Variants in LRRC38 observed in about 807,000 individuals in gnomAD.
The protein encoded by LRRC38 is leucine rich repeat containing 38.
Under a neutral mutation model 16.4 loss-of-function variants are expected in LRRC38, and 5 were observed. That is an observed-to-expected ratio of 0.31 (90% CI 0.16 to 0.64). LRRC38 has a LOEUF of 0.64. Ranked by LOEUF, LRRC38 falls within the 30% of genes least tolerant of loss-of-function variation. LRRC38 has a pLI of 0.80. For missense variants in LRRC38, 341 were observed against 401.8 expected (o/e 0.85, Z 1.29); for synonymous variants, 191 against 190.2 (o/e 1.00, Z -0.04).
intron 1 of LRRC38, among the ~76,000 whole-genome samples, chr1:13,482,196 G>T (rs1638877890): frequency 1.3e-5 from 2 of 152,142 alleles, no homozygotes. Context: ...GAGAGAGACA[G>T]AGAGAGGTGG....
chr1:13,497,461 GA>G (rs993804027), intron 1 of LRRC38, among the ~76,000 whole-genome samples: 1 of 152,006 alleles, frequency 6.6e-6, no homozygotes, highest in Non-Finnish European at 1.5e-5. Flanking sequence ...TTTCTGATGT[GA>G]GATTTGAGGG....
At chr1:13,508,653 A>G (rs1639239859) in intron 1 of LRRC38, among the ~76,000 whole-genome samples, 1 of 152,252 alleles carries the variant, frequency 6.6e-6, no homozygotes, top group African/African-American at 2.4e-5. Context: ...TCCCCAGTCT[A>G]ATAACAGGAG....
At chr1:13,482,926 T>C (rs1404956401) in intron 1 of LRRC38, among the ~76,000 whole-genome samples, 1 of 152,152 alleles carries the variant, frequency 6.6e-6, no homozygotes, top group Non-Finnish European at 1.5e-5. Context: ...CCCCATCTTA[T>C]AGCTGACCAA....
intron 1 of LRRC38, among the ~76,000 whole-genome samples, chr1:13,505,936 C>CGTCTGGGCTGTGGGAGGGAGCT (rs1639207005): frequency 6.7e-6 from 1 of 149,120 alleles, no homozygotes; most frequent in African/African-American, 2.5e-5. Flanking sequence ...AAGGAGGGGC[C>CGTCTGGGCTGTGGGAGGGAGCT]CGTCTGGGCT....
At chr1:13,510,179 A>C (rs1380223106) in intron 1 of LRRC38, among the ~76,000 whole-genome samples, 2 of 151,956 alleles carry the variant, frequency 1.3e-5, no homozygotes, top group Non-Finnish European at 2.9e-5. Flanking sequence ...TCCTTCCTTC[A>C]ATTTCCTCCC....
At chr1:13,488,032 TTGTGTGTGTG>T (rs71570140) in intron 1 of LRRC38, among the ~76,000 whole-genome samples, 17 of 147,206 alleles carry the variant, frequency 1.2e-4, no homozygotes, top group Non-Finnish European at 2.2e-4. Context: ...TTGTGTGTGT[TTGTGTGTGTG>T]TGTGTGTGTG....
At chr1:13,480,356 AAACT>A (rs982850588) in intron 1 of LRRC38, among the ~76,000 whole-genome samples, 20 of 152,256 alleles carry the variant, frequency 1.3e-4, no homozygotes, top group South Asian at 6.2e-4. Context: ...AAAAATAAAC[AAACT>A]GTCTCCAGAC....
chr1:13,482,348 G>A (rs866406078), intron 1 of LRRC38, among the ~76,000 whole-genome samples: 9 of 151,890 alleles, frequency 5.9e-5, no homozygotes, highest in Non-Finnish European at 4.4e-5. Flanking sequence ...AGGCTGAGGC[G>A]GGTGGATCGC....
intron 1 of LRRC38, among the ~76,000 whole-genome samples, chr1:13,477,873 CA>C (rs1638807467): frequency 6.6e-6 from 1 of 152,038 alleles, no homozygotes; most frequent in Admixed American, 6.6e-5. Flanking sequence ...ACAATGTAGC[CA>C]GGGGTAGCTG....
chr1:13,499,507 T>A (rs755319447), intron 1 of LRRC38, among the ~76,000 whole-genome samples: 6 of 152,216 alleles, frequency 3.9e-5, no homozygotes, highest in Non-Finnish European at 8.8e-5. Flanking sequence ...ATAGCATCCT[T>A]TTCCATTGCT....
chr1:13,496,272 G>C (rs1639078626), intron 1 of LRRC38, among the ~76,000 whole-genome samples: 1 of 152,118 alleles, frequency 6.6e-6, no homozygotes. Flanking sequence ...GGCCTCAAGT[G>C]ATCCTCTTGC....
In LRRC38 at chr1:13,475,139, TG is replaced by T. The variant is rs1388076927; in HGVS notation, c.*706del. On this transcript the variant is annotated 3_prime_UTR_variant, in exon 2 of 2. Transcript: ENST00000376085. The surrounding 1 kb of genome is among the most constrained non-coding windows in gnomAD (Gnocchi z 4.3). The stretch of plus-strand genomic sequence containing the variant: ...GCATTGAAGGGGTGAAGGAGCTCTC[TG>T]GGGCCACCTTTCATGAGGGCACTAA... The T allele has an allele frequency of 6.6e-6, 1 of 152,212 alleles. No individual in the cohort carries two copies. The highest frequency in any genetic ancestry group is 1.5e-5 in the Non-Finnish European group (1 of 68,086). The allele number at this position is 152,212 out of a possible 1,614,324, so 9.4% of individuals were successfully genotyped here.
intron 1 of LRRC38, among the ~76,000 whole-genome samples, chr1:13,492,539 T>C (rs1326335356): frequency 6.6e-6 from 1 of 151,926 alleles, no homozygotes; most frequent in Non-Finnish European, 1.5e-5. Flanking sequence ...CCATGTCTAC[T>C]AAAAATACAA....
chr1:13,497,741 C>T (rs1041245124), intron 1 of LRRC38, among the ~76,000 whole-genome samples: 4 of 151,706 alleles, frequency 2.6e-5, no homozygotes, highest in Admixed American at 1.3e-4. Context: ...TTTGGGAGGC[C>T]GAGGAGGGCA....
intron 1 of LRRC38, among the ~76,000 whole-genome samples, chr1:13,497,962 CA>C (rs370605050): frequency 1.4e-3 from 95 of 68,998 alleles, no homozygotes; most frequent in Middle Eastern, 7.6e-3. Flanking sequence ...AACTCCATCA[CA>C]AAAAAAAAAA....
At chr1:13,495,485 GGGGA>G (rs1256361382) in intron 1 of LRRC38, among the ~76,000 whole-genome samples, 1 of 152,046 alleles carries the variant, frequency 6.6e-6, no homozygotes, top group African/African-American at 2.4e-5. Flanking sequence ...TGGTGGGGAG[GGGGA>G]GGGAGGGAAG....
chr1:13,504,829 GAGAA>G (rs1170528887), intron 1 of LRRC38, among the ~76,000 whole-genome samples: 1 of 148,060 alleles, frequency 6.8e-6, no homozygotes, highest in Non-Finnish European at 1.5e-5. Flanking sequence ...AAGAAGAAAA[GAGAA>G]AGAAGAAAGA....
chr1:13,493,468 G>A (rs1360188077), intron 1 of LRRC38, among the ~76,000 whole-genome samples: 1 of 152,180 alleles, frequency 6.6e-6, no homozygotes, highest in Admixed American at 6.5e-5. Flanking sequence ...GATCCAGGCC[G>A]ACCCCCTAAA....
intron 1 of LRRC38, among the ~76,000 whole-genome samples, chr1:13,486,999 A>C (rs1395364169): frequency 6.6e-6 from 1 of 152,182 alleles, no homozygotes; most frequent in Non-Finnish European, 1.5e-5. Context: ...TGGATTGACT[A>C]AATAGATGGC....
Sources: allele counts gnomAD v4.1 joint callset (sites outside exome capture counted in the v4.1 genomes callset), GRCh38; gene constraint gnomAD v4.1.1; non-coding constraint Gnocchi (gnomAD v3.1); transcripts MANE v1.5; gene names NCBI Gene and HGNC (gene_info 2026-07-23, HGNC 2026-07-21).